The following ALK variants were observed in gnomAD, a reference collection of about 807,000 sequenced individuals.
The protein encoded by ALK is ALK receptor tyrosine kinase.
In ALK, 74 loss-of-function variants were observed where a neutral mutation model predicts 163.1. The observed-to-expected ratio is 0.45, with a 90% confidence interval of 0.38 to 0.55. The LOEUF (loss-of-function observed/expected upper bound fraction) is 0.55, where lower values mean the gene tolerates loss of function less well. Among genes scored for constraint, ALK ranks in the 20% least tolerant of loss-of-function variants. ALK has a pLI of 0.00. For missense variants in ALK, 2,063 were observed against 2,105.3 expected, an observed-to-expected ratio of 0.98 and a Z score of 0.39; for synonymous variants, 960 against 843.2, an observed-to-expected ratio of 1.14 and a Z score of -2.40.
intron 4 of ALK, among the ~76,000 whole-genome samples, chr2:29,519,375 A>C (rs13410580): frequency 0.035 from 5,357 of 152,316 alleles, 145 homozygotes; most frequent in Middle Eastern, 0.082. Context: ...AATATTTTTC[A>C]AGTTCTGCTA....
intron 3 of ALK, among the ~76,000 whole-genome samples, chr2:29,541,586 T>C (rs905384127): frequency 1.3e-5 from 2 of 152,194 alleles, no homozygotes; most frequent in Non-Finnish European, 1.5e-5. Flanking sequence ...CCACCACACA[T>C]GGCCAAACAT....
intron 1 of ALK, among the ~76,000 whole-genome samples, chr2:29,791,398 A>G (rs1321099358): frequency 6.6e-6 from 1 of 152,172 alleles, no homozygotes; most frequent in Admixed American, 6.5e-5. Flanking sequence ...CAAACACTGC[A>G]TGTTCTCACT....
In ALK at chr2:29,432,864, T is replaced by C. The variant is rs182206477; in HGVS notation, c.1155-49005A>G. ...CACTGCTCAGTGAAGTGGGGGTGAGTAAGCACTAGATAATACATTCAGAAA... is the reference window on the plus strand; with the variant it reads ...CACTGCTCAGTGAAGTGGGGGTGAGCAAGCACTAGATAATACATTCAGAAA... On this transcript the variant is annotated intron_variant, in intron 4 of 28. Transcript: ENST00000389048. Among the ~76,000 whole-genome samples, 11 of 151,970 alleles carry C rather than the reference T, an allele frequency of 7.2e-5. No homozygotes were observed. The East Asian group carries it at 2.1e-3, about 29-fold the overall frequency.
chr2:29,664,971 C>T (rs1254023744), intron 3 of ALK, among the ~76,000 whole-genome samples: 6 of 151,664 alleles, frequency 4.0e-5, no homozygotes, highest in Non-Finnish European at 8.8e-5. Flanking sequence ...CATTGAGAAC[C>T]TGGTAAAATA....
At chr2:29,753,997 C>G (rs1383294011) in intron 1 of ALK, among the ~76,000 whole-genome samples, 1 of 152,140 alleles carries the variant, frequency 6.6e-6, no homozygotes, top group Non-Finnish European at 1.5e-5. Context: ...GCTCCCTCTC[C>G]CACCGACCGC....
chr2:29,391,591 G>A (rs781327069), intron 4 of ALK, among the ~76,000 whole-genome samples: 4 of 152,136 alleles, frequency 2.6e-5, no homozygotes, highest in Non-Finnish European at 5.9e-5. Context: ...ACAGCCATGA[G>A]CCACCGCACC....
chr2:29,753,908 T>A (rs888160486), intron 1 of ALK, among the ~76,000 whole-genome samples: 2 of 152,250 alleles, frequency 1.3e-5, no homozygotes, highest in African/African-American at 4.8e-5. Context: ...CGAGTCTGGC[T>A]GAATCATTTT....
chr2:29,268,498 CAGCCTCAG>C (rs1208758300), intron 11 of ALK, among the ~76,000 whole-genome samples: 1 of 152,168 alleles, frequency 6.6e-6, no homozygotes, highest in Non-Finnish European at 1.5e-5. Context: ...GGCTCGTTCA[CAGCCTCAG>C]AGCCCCAGGC....
At position 29,920,140 on chromosome 2, in the gene ALK, A is replaced by G. The variant is rs1667950450; in HGVS notation, c.520T>C (p.Phe174Leu). 1 of 1,613,786 alleles carries G rather than the reference A, an allele frequency of 6.2e-7. No homozygotes were observed. ...GLLQFNLSEL[F>L]SWWIRQGEGR... ...TCGCCTTGGCGAATCCACCAACTGA[A>G]CAGCTCGCTGAGATTGAACTGGAGC... Residue 174 changes from phenylalanine to leucine, a missense_variant, in exon 1 of 29, where the codon TTC (phenylalanine) becomes CTC (leucine). Physicochemically the swap from Phe to Leu is conservative, Grantham distance 22. Around this residue, in one of 5 missense-constraint regions of ALK, gnomAD observed 987 missense variants for 939.5 expected, o/e 1.05. Transcript: ENST00000389048.
rs1413047555 is a variant in ALK, at chr2:29,717,777, T to C, written c.668-80A>G. The C allele has an allele frequency of 3.1e-6, 5 of 1,598,326 alleles. No homozygotes were observed. In the African/African-American group the frequency reaches 5.4e-5, roughly 17 times the overall value. Reference sequence around the variant, plus strand: ...GCTGTCACTCAATATCAGTCAAAAATGAAGTTTATAAGGGGCTTTCATGAC... The same window carrying C: ...GCTGTCACTCAATATCAGTCAAAAACGAAGTTTATAAGGGGCTTTCATGAC... On this transcript the variant is annotated intron_variant, in intron 1 of 28. Coordinates refer to ENST00000389048, the MANE Select transcript of ALK (RefSeq NM_004304.5).
At chr2:29,818,474 C>T (rs1664956993) in intron 1 of ALK, among the ~76,000 whole-genome samples, 1 of 152,264 alleles carries the variant, frequency 6.6e-6, no homozygotes, top group Non-Finnish European at 1.5e-5. Flanking sequence ...CGGCCCGGCG[C>T]GTGCCTTGCA....
intron 1 of ALK, among the ~76,000 whole-genome samples, chr2:29,888,298 T>C (rs1349097374): frequency 6.7e-6 from 1 of 149,844 alleles, no homozygotes; most frequent in Admixed American, 6.7e-5. Context: ...TAATGATCAA[T>C]GATCACAATT....
intron 26 of ALK, 68 bp from the exon 27 acceptor site, chr2:29,197,744 G>T: frequency 8.1e-7 from 1 of 1,238,286 alleles, no homozygotes; most frequent in Non-Finnish European, 1.2e-6. Context: ...CACACACACA[G>T]GCACACAGAC....
chr2:29,529,030 C>T lies in ALK; in HGVS notation c.1154+2885G>A, dbSNP rs75418692. 5.3e-3 allele frequency among the ~76,000 whole-genome samples: 806 copies of T among 152,310 alleles called. 8 individuals are homozygous for T. The highest frequency in any genetic ancestry group is 0.018 in the African/African-American group (753 of 41,562). On this transcript the variant is annotated intron_variant, in intron 4 of 28. Coordinates refer to ENST00000389048, the MANE Select transcript of ALK (RefSeq NM_004304.5). ...GATTCATTAGACCTCATATACTCTG[C>T]TGCTTTCCAGGCAACCAGGAAGGCA... is the stretch of plus-strand genomic sequence containing the variant.
chr2:29,420,675 G>A (rs1669995423), intron 4 of ALK, among the ~76,000 whole-genome samples: 1 of 151,568 alleles, frequency 6.6e-6, no homozygotes, highest in African/African-American at 2.4e-5. Flanking sequence ...CCTCTGTGCG[G>A]ATGAATAAGC....
intron 3 of ALK, among the ~76,000 whole-genome samples, chr2:29,554,715 AGGCTGAGACCTACTG>A (rs1426641655): frequency 6.6e-6 from 1 of 152,212 alleles, no homozygotes; most frequent in African/African-American, 2.4e-5. Flanking sequence ...GGGTAAAATG[AGGCTGAGACCTACTG>A]GGCTGCATTC....
At chr2:29,549,060 A>G (rs1035148968) in intron 3 of ALK, among the ~76,000 whole-genome samples, 1 of 151,480 alleles carries the variant, frequency 6.6e-6, no homozygotes, top group African/African-American at 2.4e-5. Context: ...CAGCAGGAGG[A>G]AGAAGCAGAA....
chr2:29,876,339 ATGGTGATGG>A (rs946621785), intron 1 of ALK, among the ~76,000 whole-genome samples: 1 of 150,580 alleles, frequency 6.6e-6, no homozygotes, highest in African/African-American at 2.4e-5. Flanking sequence ...GGTGGTGGTG[ATGGTGATGG>A]TAGTGGTAAT....
At chr2:29,628,153 CTTTCATTATGA>C (rs1219732130) in intron 3 of ALK, among the ~76,000 whole-genome samples, 1 of 152,148 alleles carries the variant, frequency 6.6e-6, no homozygotes. Flanking sequence ...TTCCCTTTGA[CTTTCATTATGA>C]TTTCAGATAT....
Sources: allele counts gnomAD v4.1 joint callset (sites outside exome capture counted in the v4.1 genomes callset), GRCh38; gene constraint gnomAD v4.1.1; regional missense constraint gnomAD v4.1.1; transcripts MANE v1.5; gene names NCBI Gene and HGNC (gene_info 2026-07-23, HGNC 2026-07-21).